The following KCTD1 variants were observed in gnomAD, a reference collection of about 807,000 sequenced individuals.
The protein encoded by KCTD1 is potassium channel tetramerization domain containing 1.
KCTD1 carries 24 observed loss-of-function variants against 66.0 expected under a neutral mutation model. That is an observed-to-expected ratio of 0.36 (90% CI 0.26 to 0.51). The LOEUF is 0.51. Ranked by LOEUF, KCTD1 falls within the 20% of genes least tolerant of loss-of-function variation. The probability of loss-of-function intolerance (pLI) is 0.95; values close to 1 mark genes in which losing one functional copy is unlikely to be tolerated. For missense variants in KCTD1, 943 were observed against 1,205.2 expected (o/e 0.78, Z 3.22); for synonymous variants, 511 against 517.2 (o/e 0.99, Z 0.16).
chr18:26,624,351 C>G (rs1987453017), intron 1 of KCTD1, among the ~76,000 whole-genome samples: 1 of 152,238 alleles, frequency 6.6e-6, no homozygotes, highest in South Asian at 2.1e-4. Flanking sequence ...ATTCCCATCA[C>G]AGGCCCAGAG....
intron 1 of KCTD1, among the ~76,000 whole-genome samples, chr18:26,502,289 T>C (rs969226568): frequency 6.6e-6 from 1 of 152,198 alleles, no homozygotes; most frequent in African/African-American, 2.4e-5. Flanking sequence ...GACCTCGTGA[T>C]CCGCCCACCT....
Position 26,476,544 on chromosome 18 carries a change from A to G in KCTD1, c.2104T>C (p.Ser702Pro). Residue 702 changes from serine (S) to proline (P), a missense_variant, in exon 3 of 5, where the codon TCC becomes CCC. This residue lies in a region of KCTD1 where 162 missense variants were observed against 232.4 expected (regional missense o/e 0.70). Coordinates refer to ENST00000580059, the MANE Select transcript of KCTD1 (RefSeq NM_001142730.3). This position sits in a 1 kb window ranked among gnomAD's most constrained non-coding sequence, Gnocchi z 4.9. ...AAATCATCAGGAATGAGGAGTTTGG[A>G]TGTTCGTAGAAAATTCAAGATATAT... ...FRYILNFLRTSKLLIPDDFKD... is the reference protein window; with the variant it reads ...FRYILNFLRTPKLLIPDDFKD... The G allele has an allele frequency of 6.2e-7, 1 of 1,613,398 alleles. No homozygotes were observed. Among genetic ancestry groups the G allele is most frequent in the Non-Finnish European group, 8.5e-7 (1 of 1,179,754 alleles).
intron 3 of KCTD1, among the ~76,000 whole-genome samples, chr18:26,470,840 A>G (rs1430446210): frequency 6.6e-6 from 1 of 152,154 alleles, no homozygotes; most frequent in African/African-American, 2.4e-5. Context: ...ATTCCAGTAA[A>G]GGCCAGGGGA....
chr18:26,621,126 C>T (rs959698002), intron 1 of KCTD1, among the ~76,000 whole-genome samples: 8 of 152,372 alleles, frequency 5.3e-5, no homozygotes, highest in African/African-American at 1.9e-4. Context: ...AGCCACCGTG[C>T]ACGGCCGAAA....
rs545294278 is a variant in KCTD1 at position 26,527,931 on chromosome 18, C to T, written c.1809+18797G>A. ...AGTAGCCTAGCTCTTCCCTGATGAG[C>T]ATCTAGTCTACTCAGGCCCAACTCA... On this transcript the variant is annotated intron_variant, in intron 1 of 4. Transcript: ENST00000580059. Among the ~76,000 whole-genome samples, 20 of 152,292 alleles carry T rather than the reference C, an allele frequency of 1.3e-4. 2 individuals carry two copies. Among genetic ancestry groups the T allele is most frequent in the African/African-American group, 4.1e-4 (17 of 41,566 alleles).
intron 1 of KCTD1, among the ~76,000 whole-genome samples, chr18:26,639,765 A>G (rs1987796927): frequency 1.3e-5 from 2 of 152,150 alleles, no homozygotes; most frequent in Admixed American, 1.3e-4. Context: ...TTTTCAGATG[A>G]GGATATGTTC....
intron 1 of KCTD1, among the ~76,000 whole-genome samples, chr18:26,519,222 C>T (rs924726610): frequency 2.0e-5 from 3 of 152,172 alleles, no homozygotes; most frequent in Admixed American, 6.5e-5. Context: ...TAATGATGGT[C>T]TTAGATAGTC....
chr18:26,630,183 C>G (rs1987587258), upstream of KCTD1, among the ~76,000 whole-genome samples: 1 of 152,206 alleles, frequency 6.6e-6, no homozygotes, highest in South Asian at 2.1e-4. Flanking sequence ...CTAATACAGG[C>G]AACAGCAGCA....
chr18:26,593,544 G>C (rs1877314834), intron 1 of KCTD1, among the ~76,000 whole-genome samples: 1 of 89,232 alleles, frequency 1.1e-5, no homozygotes, highest in Non-Finnish European at 2.3e-5. Flanking sequence ...GGAGGAGGAA[G>C]AAGACGAGGA....
intron 2 of KCTD1, among the ~76,000 whole-genome samples, chr18:26,484,331 T>G (rs1339253427): frequency 6.6e-6 from 1 of 152,218 alleles, no homozygotes; most frequent in Non-Finnish European, 1.5e-5. Flanking sequence ...AGATAATGTT[T>G]CTAGTACCTG....
chr18:26,480,770 A>G (rs563045565), intron 2 of KCTD1, among the ~76,000 whole-genome samples: 79 of 152,280 alleles, frequency 5.2e-4, no homozygotes, highest in Non-Finnish European at 8.1e-4. Flanking sequence ...TTGTCTTAAA[A>G]AAAAAAAATT....
chr18:26,629,538 C>T (rs1965729527), upstream of KCTD1, among the ~76,000 whole-genome samples: 3 of 152,094 alleles, frequency 2.0e-5, no homozygotes, highest in Non-Finnish European at 4.4e-5. Flanking sequence ...CAAGGTTTCC[C>T]GAGAGCACAG....
chr18:26,616,141 C>CTTT (rs11354165), intron 1 of KCTD1, among the ~76,000 whole-genome samples: 7 of 138,094 alleles, frequency 5.1e-5, no homozygotes, highest in Non-Finnish European at 7.7e-5. Flanking sequence ...TTAAGTGTTT[C>CTTT]TTTTTTTTTT....
chr18:26,489,501 G>C (rs1377097146), intron 2 of KCTD1, among the ~76,000 whole-genome samples: 1 of 152,132 alleles, frequency 6.6e-6, no homozygotes, highest in African/African-American at 2.4e-5. Context: ...CTCCTGCCTG[G>C]CCTCCCAAAG....
rs541765230 is a variant in KCTD1 at position 26,509,989 on chromosome 18, G to A, written c.1810-8739C>T. On this transcript the variant is annotated intron_variant, in intron 1 of 4. Coordinates refer to ENST00000580059, the MANE Select transcript of KCTD1 (RefSeq NM_001142730.3). The stretch of plus-strand genomic sequence containing the variant: ...TGTTTGGGAAGACATCTAACAGAGC[G>A]TCTGGCATTTAGAAGGAAAAAATGA... Among the ~76,000 whole-genome samples, 7 of 152,336 alleles carry A rather than the reference G, an allele frequency of 4.6e-5. No individual in the cohort carries two copies. In the East Asian group the frequency reaches 7.7e-4, roughly 17 times the overall value.
chr18:26,601,451 A>G (rs950891381), intron 1 of KCTD1, among the ~76,000 whole-genome samples: 1 of 151,858 alleles, frequency 6.6e-6, no homozygotes, highest in Non-Finnish European at 1.5e-5. Flanking sequence ...TCATATCTAT[A>G]TATCTATCCT....
At chr18:26,519,042 AAT>A (rs1342376953) in intron 1 of KCTD1, among the ~76,000 whole-genome samples, 2 of 152,248 alleles carry the variant, frequency 1.3e-5, no homozygotes, top group East Asian at 3.8e-4. Flanking sequence ...TTACAAGAAT[AAT>A]ATGTGGTAAA....
chr18:26,474,368 CAA>C (rs1981231667), intron 3 of KCTD1, among the ~76,000 whole-genome samples: 1 of 152,114 alleles, frequency 6.6e-6, no homozygotes, highest in Non-Finnish European at 1.5e-5. Flanking sequence ...TCTAGCAGAT[CAA>C]AGAGTATGTA....
At chr18:26,645,741 C>T (rs562154422) in intron 1 of KCTD1, among the ~76,000 whole-genome samples, 5 of 152,208 alleles carry the variant, frequency 3.3e-5, no homozygotes, top group South Asian at 2.1e-4. Context: ...TCTCTAGGGT[C>T]GACTTTACCC....
Sources: gnomAD v4.1 joint callset for allele counts (sites outside exome capture counted in the v4.1 genomes callset) on GRCh38, gnomAD v4.1.1 for gene constraint, gnomAD v4.1.1 regional missense constraint, Gnocchi (gnomAD v3.1) non-coding constraint, MANE v1.5 for transcripts, NCBI Gene and HGNC (gene_info 2026-07-23, HGNC 2026-07-21) for gene names.